The following COQ2 variants were observed in gnomAD, a reference collection of about 807,000 sequenced individuals.
COQ2 encodes coenzyme Q2, polyprenyltransferase.
In COQ2, 25 loss-of-function variants were observed where a neutral mutation model predicts 35.7. That is an observed-to-expected ratio of 0.70 (90% confidence interval 0.51 to 0.98). The LOEUF is 0.98. Ranked by LOEUF, COQ2 falls within the 50% of genes least tolerant of loss-of-function variation. The pLI, the probability that COQ2 is intolerant of heterozygous loss-of-function variation, is 0.00. For synonymous variants in COQ2, 206 were observed against 186.2 expected, an observed-to-expected ratio of 1.11 and a Z score of -0.86; for missense variants, 488 against 473.5, an observed-to-expected ratio of 1.03 and a Z score of -0.28.
At chr4:83,273,643 A>G (rs770226811) in intron 2 of COQ2, 26 bp from the exon 3 acceptor site, 1 of 1,607,410 alleles carries the variant, frequency 6.2e-7, no homozygotes, top group Non-Finnish European at 8.5e-7. Flanking sequence ...CAGATACCTT[A>G]GCTTCATGTA....
rs964344858 is a variant in COQ2, at chr4:83,270,839, G to A, written c.629-846C>T. Among the ~76,000 whole-genome samples the A allele has an allele frequency of 7.2e-5, 11 of 152,232 alleles. 1 individual carries two copies. In the South Asian group the frequency reaches 1.9e-3, roughly 26 times the overall value. On this transcript the variant is annotated intron_variant, in intron 4 of 6. Transcript: ENST00000647002. The stretch of plus-strand genomic sequence containing the variant: ...CAGTACCTGCTGCAATTCCTAGCAC[G>A]AAGTAAATGTAGGGGTTCAGTAAAT...
intron 1 of COQ2, chr4:83,283,476 C>T: frequency 2.0e-6 from 2 of 985,470 alleles, no homozygotes; most frequent in Non-Finnish European, 2.4e-6. Flanking sequence ...GTACTTCCCG[C>T]ACTAAGATCT....
chr4:83,277,619 G>A (rs1560495269), intron 2 of COQ2, among the ~76,000 whole-genome samples: 1 of 152,162 alleles, frequency 6.6e-6, no homozygotes, highest in Non-Finnish European at 1.5e-5. Context: ...TGCAATCCTA[G>A]AACCTGCCAC....
intron 2 of COQ2, among the ~76,000 whole-genome samples, chr4:83,277,255 A>C (rs891322679): frequency 6.6e-6 from 1 of 152,198 alleles, no homozygotes; most frequent in African/African-American, 2.4e-5. Context: ...GTTGTGTCAG[A>C]GAAATGCTTT....
intron 6 of COQ2, among the ~76,000 whole-genome samples, chr4:83,265,716 T>A (rs552915065): frequency 4.6e-5 from 7 of 152,174 alleles, no homozygotes; most frequent in Admixed American, 4.6e-4. Flanking sequence ...CAGGCTGGAG[T>A]GCAGTGGCAC....
At chr4:83,277,726 T>C (rs912822572) in intron 2 of COQ2, among the ~76,000 whole-genome samples, 2 of 152,030 alleles carry the variant, frequency 1.3e-5, no homozygotes, top group Non-Finnish European at 2.9e-5. Flanking sequence ...TCCCAGCACT[T>C]TGGGAGGCCG....
intron 2 of COQ2, among the ~76,000 whole-genome samples, chr4:83,274,420 C>G (rs1735118119): frequency 6.6e-6 from 1 of 152,158 alleles, no homozygotes; most frequent in East Asian, 1.9e-4. Flanking sequence ...GTTTCGAACT[C>G]CTGACCTCAA....
chr4:83,280,061 C>T (rs906121960), intron 1 of COQ2, among the ~76,000 whole-genome samples: 4 of 152,028 alleles, frequency 2.6e-5, no homozygotes, highest in Non-Finnish European at 4.4e-5. Flanking sequence ...AACTCTTGGC[C>T]TCAAGTAATC....
rs542921054 is a variant in COQ2 at position 83,270,066 on chromosome 4, C to T, written c.629-73G>A. 3.2e-5 allele frequency: 49 copies of T among 1,535,874 alleles called. No individual in the cohort carries two copies. In the African/African-American group the frequency reaches 4.9e-4, roughly 15 times the overall value. ...GAATCCTAAAGGGAAGGAGTGGCAT[C>T]GGAGTGTGTTCAGTGCTCCTGGGTA... On this transcript the variant is annotated intron_variant, in intron 4 of 6. Coordinates refer to ENST00000647002, the MANE Select transcript of COQ2 (RefSeq NM_001358921.2).
chr4:83,268,946 T>A, intron 5 of COQ2, among the ~76,000 whole-genome samples: 1 of 152,308 alleles, frequency 6.6e-6, no homozygotes, highest in Non-Finnish European at 1.5e-5. Flanking sequence ...TATCAAATCA[T>A]CACACTGTAT....
intron 2 of COQ2, among the ~76,000 whole-genome samples, chr4:83,277,645 G>T (rs1424221351): frequency 1.3e-5 from 2 of 152,114 alleles, no homozygotes; most frequent in Non-Finnish European, 2.9e-5. Context: ...CTTCCACATA[G>T]CAAGTACTGA....
At chr4:83,283,177 G>A (rs1007703587) in intron 1 of COQ2, 2 of 614,300 alleles carry the variant, frequency 3.3e-6, no homozygotes, top group Non-Finnish European at 4.1e-6. Flanking sequence ...ATCCCAAATA[G>A]GTCGTGCATA....
At chr4:83,284,443 C>G in intron 1 of COQ2, 69 bp downstream of exon 1, 3 of 1,491,906 alleles carry the variant, frequency 2.0e-6, no homozygotes, top group Non-Finnish European at 2.7e-6. Context: ...CCGCCGCGGA[C>G]AGCTCCGCGG....
At chr4:83,266,092 C>T (rs946930894) in intron 6 of COQ2, among the ~76,000 whole-genome samples, 2 of 152,104 alleles carry the variant, frequency 1.3e-5, no homozygotes, top group African/African-American at 4.8e-5. Flanking sequence ...CAATGTCAGC[C>T]CTCATGGAGC....
At chr4:83,278,359 C>T (rs975817488) in intron 2 of COQ2, among the ~76,000 whole-genome samples, 1 of 152,048 alleles carries the variant, frequency 6.6e-6, no homozygotes, top group Non-Finnish European at 1.5e-5. Flanking sequence ...AAAAATAATG[C>T]ATCAAGTTCT....
At chr4:83,270,826 C>T (rs536034502) in intron 4 of COQ2, among the ~76,000 whole-genome samples, 2 of 152,162 alleles carry the variant, frequency 1.3e-5, no homozygotes, top group Non-Finnish European at 2.9e-5. Flanking sequence ...GTACCTGCTG[C>T]AATTCCTAGC....
chr4:83,284,132 C>T, intron 1 of COQ2: 1 of 985,430 alleles, frequency 1.0e-6, no homozygotes, highest in Non-Finnish European at 1.2e-6. Context: ...GAAGGAGGGC[C>T]ACGAGAACGG....
At chr4:83,284,868 G>A, upstream of COQ2, 1 of 1,532,430 alleles carries the variant, frequency 6.5e-7, no homozygotes, top group South Asian at 1.2e-5. Context: ...CTGGGCGGCG[G>A]TGTGGGCAGA....
intron 1 of COQ2, among the ~76,000 whole-genome samples, chr4:83,281,747 T>C (rs1037141958): frequency 6.6e-6 from 1 of 152,188 alleles, no homozygotes; most frequent in Non-Finnish European, 1.5e-5. Flanking sequence ...GCACTATTTT[T>C]ATTACAACCA....
Sources: allele counts gnomAD v4.1 joint callset (sites outside exome capture counted in the v4.1 genomes callset), GRCh38; gene constraint gnomAD v4.1.1; transcripts MANE v1.5; gene names NCBI Gene and HGNC (gene_info 2026-07-23, HGNC 2026-07-21).